The following ST3GAL1 variants were observed in gnomAD, a reference collection of about 807,000 sequenced individuals.
ST3GAL1 encodes CMP-N-acetylneuraminate-beta-galactosamide-alpha-2,3-sialyltransferase 1.
In ST3GAL1, 16 loss-of-function variants were observed where a neutral mutation model predicts 34.1. That is an observed-to-expected ratio of 0.47 (90% CI 0.32 to 0.71). The LOEUF (loss-of-function observed/expected upper bound fraction) is 0.71. Among genes scored for constraint, ST3GAL1 ranks in the 30% least tolerant of loss-of-function variants. The pLI, the probability that ST3GAL1 is intolerant of heterozygous loss-of-function variation, is 0.04. For missense variants in ST3GAL1, 353 were observed against 447.4 expected, an observed-to-expected ratio of 0.79 and a Z score of 1.90; for synonymous variants, 191 against 184.7, an observed-to-expected ratio of 1.03 and a Z score of -0.28.
At chr8:133,552,236 T>G (rs887369053) in intron 1 of ST3GAL1, among the ~76,000 whole-genome samples, 2 of 152,170 alleles carry the variant, frequency 1.3e-5, no homozygotes, top group Non-Finnish European at 2.9e-5. Context: ...GGTGGTTTCT[T>G]AATCTAGATT....
Position 133,464,868 on chromosome 8 carries a change from A to G in ST3GAL1, c.593T>C (p.Leu198Pro). The stretch of plus-strand genomic sequence containing the variant: ...CAGGATCATGCTGACATTATCTCCC[A>G]GCTCCCGGAAGCTCTCAGGGTACAC... ...HLVYPESFRE[L>P]GDNVSMILVP... is the part of the protein sequence containing the mutation. The change falls in exon 7 of 10, where the codon CTG becomes CCG. Residue 198 changes from leucine to proline, a missense_variant. By Grantham distance (98) the Leu-to-Pro change is moderately conservative. Coordinates refer to ENST00000522652, the MANE Select transcript of ST3GAL1 (RefSeq NM_173344.3). 6.2e-7 allele frequency: 1 copy of G among 1,614,102 alleles called. No individual in the cohort carries two copies. The highest frequency in any genetic ancestry group is 8.5e-7 in the Non-Finnish European group (1 of 1,179,988).
intron 1 of ST3GAL1, among the ~76,000 whole-genome samples, chr8:133,555,871 T>C (rs1818999489): frequency 6.6e-6 from 1 of 151,884 alleles, no homozygotes; most frequent in South Asian, 2.1e-4. Flanking sequence ...TTTTTTGTTG[T>C]TGTTGTTGTT....
At chr8:133,483,320 C>T (rs566993992) in intron 3 of ST3GAL1, among the ~76,000 whole-genome samples, 9 of 152,168 alleles carry the variant, frequency 5.9e-5, no homozygotes, top group African/African-American at 2.2e-4. Flanking sequence ...CCCGCCTGGC[C>T]GACAAAGTAA....
intron 3 of ST3GAL1, among the ~76,000 whole-genome samples, chr8:133,483,539 C>T (rs1816473562): frequency 6.6e-6 from 1 of 152,152 alleles, no homozygotes; most frequent in African/African-American, 2.4e-5. Flanking sequence ...CTGTCCTACT[C>T]GCAGGGTTAT....
At chr8:133,534,101 C>T (rs529752757) in intron 2 of ST3GAL1, among the ~76,000 whole-genome samples, 62 of 152,294 alleles carry the variant, frequency 4.1e-4, no homozygotes, top group African/African-American at 1.5e-3. Flanking sequence ...AGATGACTGA[C>T]CATCTGTCGA....
At chr8:133,563,338 G>A (rs1314464014) in intron 1 of ST3GAL1, among the ~76,000 whole-genome samples, 1 of 152,106 alleles carries the variant, frequency 6.6e-6, no homozygotes, top group Non-Finnish European at 1.5e-5. Flanking sequence ...ATTATTGCAA[G>A]TAATTTTTAA....
chr8:133,555,770 C>A (rs963459284), intron 1 of ST3GAL1, among the ~76,000 whole-genome samples: 2 of 152,188 alleles, frequency 1.3e-5, no homozygotes, highest in Non-Finnish European at 1.5e-5. Flanking sequence ...CCCTCTCCAC[C>A]CCTCACTGCT....
At chr8:133,486,479 G>T (rs538785907) in intron 3 of ST3GAL1, among the ~76,000 whole-genome samples, 14 of 152,276 alleles carry the variant, frequency 9.2e-5, no homozygotes, top group Admixed American at 5.2e-4. Flanking sequence ...CCCACTCAAC[G>T]CCGCTCTCCT....
chr8:133,565,970 C>A (rs557830899), intron 1 of ST3GAL1, among the ~76,000 whole-genome samples: 1 of 152,248 alleles, frequency 6.6e-6, no homozygotes, highest in Non-Finnish European at 1.5e-5. Context: ...ACCACAATAG[C>A]GTCCACTGCA....
At position 133,467,234 on chromosome 8, in the gene ST3GAL1, C is replaced by G. The variant is rs940614241; in HGVS notation, c.307-1144G>C. Among the ~76,000 whole-genome samples, 4 of 152,058 alleles carry G rather than the reference C, an allele frequency of 2.6e-5. No individual in the cohort carries two copies. The highest frequency in any genetic ancestry group is 4.4e-5 in the Non-Finnish European group (3 of 67,984). ...GATGCAGGACTCTCAGTGCTAAAAC[C>G]AGGATGAGTTGGTATCCCTATTGGC... is the stretch of plus-strand genomic sequence containing the variant. On this transcript the variant is annotated intron_variant, in intron 5 of 9. Coordinates refer to ENST00000522652, the MANE Select transcript of ST3GAL1 (RefSeq NM_173344.3). This position sits in a 1 kb window ranked among gnomAD's most constrained non-coding sequence, Gnocchi z 4.2.
intron 2 of ST3GAL1, among the ~76,000 whole-genome samples, chr8:133,530,145 CA>C (rs367759830): frequency 1.3e-3 from 200 of 152,208 alleles, no homozygotes; most frequent in African/African-American, 4.2e-3. Flanking sequence ...TAAACTAGAG[CA>C]GGGGGGGTGA....
At chr8:133,471,000 C>G (rs527662259) in intron 5 of ST3GAL1, among the ~76,000 whole-genome samples, 1 of 152,238 alleles carries the variant, frequency 6.6e-6, no homozygotes, top group African/African-American at 2.4e-5. Flanking sequence ...GAGGTACCCG[C>G]GCTCCCTTCC....
chr8:133,561,193 G>A lies in ST3GAL1; in HGVS notation c.-582+10500C>T, dbSNP rs192859622. Among the ~76,000 whole-genome samples the A allele has an allele frequency of 5.9e-3, 824 of 140,334 alleles. 6 individuals are homozygous for A. The highest frequency in any genetic ancestry group is 0.021 in the African/African-American group (786 of 37,020). 92.1% of individuals were successfully genotyped at this position (140,334 alleles called of 152,430 possible). Reference sequence around the variant, plus strand: ...AAGCAAGATCCCCTGTTCCCAAACCGTCTGCAAGATTTTCCTCCCCTCTGG... The same window carrying A: ...AAGCAAGATCCCCTGTTCCCAAACCATCTGCAAGATTTTCCTCCCCTCTGG... On this transcript the variant is annotated intron_variant, in intron 1 of 9. Transcript: ENST00000522652.
intron 3 of ST3GAL1, among the ~76,000 whole-genome samples, chr8:133,485,586 A>G (rs1185683269): frequency 6.6e-6 from 1 of 152,214 alleles, no homozygotes; most frequent in Non-Finnish European, 1.5e-5. Flanking sequence ...AGAAACGGGA[A>G]GTGACTTTTC....
intron 1 of ST3GAL1, among the ~76,000 whole-genome samples, chr8:133,551,610 GA>G (rs937256358): frequency 1.4e-5 from 2 of 145,308 alleles, no homozygotes. Flanking sequence ...AAGAAAGAAA[GA>G]AAGAAAGAGC....
In ST3GAL1 at chr8:133,526,168, T is replaced by C. The variant is rs76150290; in HGVS notation, c.-429+19606A>G. Among the ~76,000 whole-genome samples the C allele has an allele frequency of 3.6e-3, 547 of 152,298 alleles. 1 individual carries two copies. Among genetic ancestry groups the C allele is most frequent in the African/African-American group, 0.012 (507 of 41,560 alleles). On this transcript the variant is annotated intron_variant, in intron 2 of 9. Coordinates refer to ENST00000522652, the MANE Select transcript of ST3GAL1 (RefSeq NM_173344.3). ...ATGAATTAGGAAAGTTGGGTCAGGC[T>C]CCAGGCAGCCTGCGTTCAGGCAAGC... is the stretch of plus-strand genomic sequence containing the variant.
intron 2 of ST3GAL1, among the ~76,000 whole-genome samples, chr8:133,541,116 T>C (rs199631204): frequency 2.1e-5 from 1 of 48,514 alleles, no homozygotes; most frequent in Non-Finnish European, 3.7e-5. Flanking sequence ...TATATATATA[T>C]ATATAGAGAG....
intron 2 of ST3GAL1, among the ~76,000 whole-genome samples, chr8:133,526,764 G>A (rs1817987339): frequency 1.3e-5 from 2 of 152,124 alleles, no homozygotes; most frequent in South Asian, 4.1e-4. Context: ...TAGAAGAGAG[G>A]TCATTGGATG....
chr8:133,501,292 G>T (rs1006717343), intron 2 of ST3GAL1, among the ~76,000 whole-genome samples: 1 of 152,130 alleles, frequency 6.6e-6, no homozygotes, highest in East Asian at 1.9e-4. Flanking sequence ...ACCAGAAACT[G>T]CCCCAGACAC....
Sources: allele counts gnomAD v4.1 joint callset (sites outside exome capture counted in the v4.1 genomes callset), GRCh38; gene constraint gnomAD v4.1.1; non-coding constraint Gnocchi (gnomAD v3.1); transcripts MANE v1.5; gene names NCBI Gene and HGNC (gene_info 2026-07-23, HGNC 2026-07-21).